Variants in NLGN1 observed in about 807,000 individuals in gnomAD.
NLGN1 encodes neuroligin 1.
NLGN1 carries 12 observed loss-of-function variants against 65.5 expected under a neutral mutation model. That is an observed-to-expected ratio of 0.18 (90% CI 0.12 to 0.30). The LOEUF is 0.30. Among genes scored for constraint, NLGN1 ranks in the 10% least tolerant of loss-of-function variants. NLGN1 has a pLI of 1.00. For missense variants in NLGN1, 750 were observed against 1,007.1 expected, an observed-to-expected ratio of 0.74 and a Z score of 3.46; for synonymous variants, 350 against 359.5, an observed-to-expected ratio of 0.97 and a Z score of 0.30.
chr3:174,070,748 T>C (rs566463089), intron 4 of NLGN1, among the ~76,000 whole-genome samples: 1 of 152,340 alleles, frequency 6.6e-6, no homozygotes, highest in African/African-American at 2.4e-5. Flanking sequence ...ACTATGAAGT[T>C]GGTATACTCA....
chr3:173,547,784 T>C (rs553825800), intron 2 of NLGN1, among the ~76,000 whole-genome samples: 1 of 152,214 alleles, frequency 6.6e-6, no homozygotes, highest in African/African-American at 2.4e-5. Flanking sequence ...TAGTACTCTC[T>C]TGGGGTCTAT....
chr3:173,843,072 A>G (rs1353339719), intron 4 of NLGN1, among the ~76,000 whole-genome samples: 1 of 152,186 alleles, frequency 6.6e-6, no homozygotes, highest in Non-Finnish European at 1.5e-5. Flanking sequence ...CAGGCTCAAC[A>G]CCATGTTGAA....
At chr3:174,162,936 T>C (rs560922804) in intron 4 of NLGN1, among the ~76,000 whole-genome samples, 5 of 151,990 alleles carry the variant, frequency 3.3e-5, no homozygotes, top group African/African-American at 1.2e-4. Flanking sequence ...GAGGAAGATA[T>C]ATACAGCCTT....
chr3:173,421,457 A>T (rs1190398636), intron 1 of NLGN1, among the ~76,000 whole-genome samples: 1 of 151,638 alleles, frequency 6.6e-6, no homozygotes, highest in East Asian at 1.9e-4. Flanking sequence ...AGTTTTTCTC[A>T]GGTATTCCAA....
At chr3:174,107,426 A>G (rs2152604934) in intron 4 of NLGN1, among the ~76,000 whole-genome samples, 1 of 152,224 alleles carries the variant, frequency 6.6e-6, no homozygotes, top group African/African-American at 2.4e-5. Context: ...CCCTTAGTAT[A>G]TTTCTGTAGA....
At chr3:173,751,821 A>G (rs1221509717) in intron 3 of NLGN1, among the ~76,000 whole-genome samples, 4 of 152,130 alleles carry the variant, frequency 2.6e-5, no homozygotes, top group African/African-American at 9.7e-5. Flanking sequence ...ATCTTATGCT[A>G]TTCCCACAAT....
chr3:173,819,056 C>T (rs371538983), intron 4 of NLGN1, among the ~76,000 whole-genome samples: 6 of 151,782 alleles, frequency 4.0e-5, no homozygotes, highest in African/African-American at 1.2e-4. Flanking sequence ...TTTCTAAAAT[C>T]CTTTAGAAAG....
chr3:173,822,239 C>G (rs544802512), intron 4 of NLGN1, among the ~76,000 whole-genome samples: 1 of 152,244 alleles, frequency 6.6e-6, no homozygotes, highest in African/African-American at 2.4e-5. Flanking sequence ...TCCATGTACT[C>G]TGTTTAGTTG....
chr3:173,473,241 C>T (rs10490867), intron 2 of NLGN1, among the ~76,000 whole-genome samples: 23,990 of 151,998 alleles, frequency 0.16, 1,978 homozygotes, highest in Middle Eastern at 0.26. Context: ...TCACACAGTA[C>T]GAAAATATAG....
At chr3:173,530,024 C>T (rs1194213321) in intron 2 of NLGN1, among the ~76,000 whole-genome samples, 1 of 151,364 alleles carries the variant, frequency 6.6e-6, no homozygotes, top group Non-Finnish European at 1.5e-5. Flanking sequence ...GTGGCGCGAT[C>T]TCAGCTTACT....
chr3:174,183,934 G>T (rs1179573342), intron 4 of NLGN1, among the ~76,000 whole-genome samples: 1 of 152,072 alleles, frequency 6.6e-6, no homozygotes, highest in Non-Finnish European at 1.5e-5. Flanking sequence ...TGTGCTTACG[G>T]ACAATGTATG....
intron 3 of NLGN1, among the ~76,000 whole-genome samples, chr3:173,682,935 G>A (rs1232756071): frequency 1.3e-5 from 2 of 152,170 alleles, no homozygotes; most frequent in East Asian, 3.9e-4. Flanking sequence ...TGTAATGTAA[G>A]GAGTTTACTC....
At chr3:173,498,907 T>A (rs1730512297) in intron 2 of NLGN1, among the ~76,000 whole-genome samples, 1 of 151,746 alleles carries the variant, frequency 6.6e-6, no homozygotes. Flanking sequence ...GGTTGTTTGT[T>A]TTTTTCTTGT....
At chr3:173,417,708 A>G (rs1328684254) in intron 1 of NLGN1, among the ~76,000 whole-genome samples, 1 of 152,044 alleles carries the variant, frequency 6.6e-6, no homozygotes, top group African/African-American at 2.4e-5. Flanking sequence ...TTATACAATT[A>G]TTTTGTAACT....
chr3:173,667,676 C>A lies in NLGN1; in HGVS notation c.493+62585C>A, dbSNP rs534335836. 5.3e-5 allele frequency among the ~76,000 whole-genome samples: 8 copies of A among 152,214 alleles called. No individual in the cohort carries two copies. In the South Asian group the frequency reaches 1.7e-3, roughly 32 times the overall value. ...TTCAAGTCTCACTCTGTTGCCCAGGCCGGAGTACAGTGGCTTGATCTTGGC... is the reference window on the plus strand; with the variant it reads ...TTCAAGTCTCACTCTGTTGCCCAGGACGGAGTACAGTGGCTTGATCTTGGC... On this transcript the variant is annotated intron_variant, in intron 3 of 6. Coordinates refer to ENST00000457714, the Ensembl canonical transcript of NLGN1.
chr3:173,662,629 T>C (rs1386209263), intron 3 of NLGN1, among the ~76,000 whole-genome samples: 1 of 152,036 alleles, frequency 6.6e-6, no homozygotes, highest in Non-Finnish European at 1.5e-5. Flanking sequence ...GGATTCCAGA[T>C]GTTTTCATTC....
At chr3:174,187,006 A>G (rs547414519) in intron 4 of NLGN1, among the ~76,000 whole-genome samples, 3 of 152,118 alleles carry the variant, frequency 2.0e-5, no homozygotes, top group Non-Finnish European at 4.4e-5. Flanking sequence ...CATATAACCT[A>G]TACACATCCT....
chr3:173,885,756 A>G (rs559403199), intron 4 of NLGN1, among the ~76,000 whole-genome samples: 1 of 152,264 alleles, frequency 6.6e-6, no homozygotes, highest in African/African-American at 2.4e-5. Context: ...CAAAGAAGAA[A>G]TAAACTTCAG....
chr3:174,212,691 C>A (rs1042485130), intron 4 of NLGN1, among the ~76,000 whole-genome samples: 3 of 152,204 alleles, frequency 2.0e-5, no homozygotes, highest in Non-Finnish European at 4.4e-5. Flanking sequence ...TAAGTTACCA[C>A]AAATATAATG....
Sources: allele counts gnomAD v4.1 joint callset (sites outside exome capture counted in the v4.1 genomes callset), GRCh38; gene constraint gnomAD v4.1.1; transcripts MANE v1.5; gene names NCBI Gene and HGNC (gene_info 2026-07-23, HGNC 2026-07-21).